Variants in PHLPP1 observed in about 807,000 individuals in gnomAD.
PHLPP1 encodes the protein PH domain and leucine rich repeat protein phosphatase 1, also known as PH domain leucine-rich repeat-containing protein phosphatase 1.
PHLPP1 carries 42 observed loss-of-function variants against 117.2 expected under a neutral mutation model. The observed-to-expected ratio is 0.36, with a 90% CI of 0.28 to 0.46. The LOEUF (loss-of-function observed/expected upper bound fraction) is 0.46. PHLPP1 is among the 20% of genes least tolerant of loss of function. PHLPP1 has a pLI of 1.00. For synonymous variants in PHLPP1, 1,042 were observed against 970.7 expected, an observed-to-expected ratio of 1.07 and a Z score of -1.37; for missense variants, 2,084 against 2,241.9, an observed-to-expected ratio of 0.93 and a Z score of 1.42.
chr18:62,894,804 A>G (rs1916511125), intron 4 of PHLPP1, among the ~76,000 whole-genome samples: 1 of 152,196 alleles, frequency 6.6e-6, no homozygotes, highest in South Asian at 2.1e-4. Context: ...GTTTTTAGAT[A>G]GAATGTTTAC....
At chr18:62,950,537 A>G (rs1910421104) in intron 12 of PHLPP1, among the ~76,000 whole-genome samples, 1 of 152,198 alleles carries the variant, frequency 6.6e-6, no homozygotes, top group Non-Finnish European at 1.5e-5. Context: ...AGACACAAAG[A>G]ACATGGGGAA....
chr18:62,737,130 C>A (rs1214465813), intron 1 of PHLPP1, among the ~76,000 whole-genome samples: 2 of 152,104 alleles, frequency 1.3e-5, no homozygotes, highest in Non-Finnish European at 2.9e-5. Context: ...CATACCAGCT[C>A]CCTGGAAGTA....
At chr18:62,793,268 T>C (rs1335836996) in intron 1 of PHLPP1, among the ~76,000 whole-genome samples, 1 of 152,252 alleles carries the variant, frequency 6.6e-6, no homozygotes, top group Non-Finnish European at 1.5e-5. Context: ...GTCACCTAGA[T>C]ATTTGCATAG....
intron 12 of PHLPP1, among the ~76,000 whole-genome samples, chr18:62,954,793 C>A (rs1910566029): frequency 6.6e-6 from 1 of 152,218 alleles, no homozygotes; most frequent in Non-Finnish European, 1.5e-5. Context: ...TTAACCTAAG[C>A]ACTGGTATCT....
intron 4 of PHLPP1, among the ~76,000 whole-genome samples, chr18:62,872,416 G>C (rs1221577991): frequency 1.3e-5 from 2 of 152,074 alleles, no homozygotes; most frequent in African/African-American, 4.8e-5. Flanking sequence ...TCAGAGGCCA[G>C]ATGCAGTGGC....
At position 62,975,573 on chromosome 18, in the gene PHLPP1, G is replaced by T. The variant is rs1267430271; in HGVS notation, c.3932G>T (p.Ser1311Ile). Residue 1311 changes from serine to isoleucine, a missense_variant, in exon 16 of 17, where the codon AGC becomes ATC. By Grantham distance (142) the Ser-to-Ile change is moderately radical (BLOSUM62 -2). Coordinates refer to ENST00000262719, the MANE Select transcript of PHLPP1 (RefSeq NM_194449.4). ...CCTCTGTCCAGATCTTACATCATGAGCTGTGAAGAAGAGCTGAAGAGGATT... is the reference window on the plus strand; with the variant it reads ...CCTCTGTCCAGATCTTACATCATGATCTGTGAAGAAGAGCTGAAGAGGATT... ...PLPLSRSYIM[S>I]CEEELKRIKQ... 1 of 1,614,036 alleles carries T rather than the reference G, an allele frequency of 6.2e-7. No homozygotes were observed. The highest frequency in any genetic ancestry group is 8.5e-7 in the Non-Finnish European group (1 of 1,179,874).
At chr18:62,921,546 C>T (rs1371101172) in intron 10 of PHLPP1, among the ~76,000 whole-genome samples, 1 of 152,198 alleles carries the variant, frequency 6.6e-6, no homozygotes, top group Non-Finnish European at 1.5e-5. Context: ...TATTAGATTA[C>T]TAACACCATG....
chr18:62,812,571 A>G (rs548264778), intron 1 of PHLPP1, among the ~76,000 whole-genome samples: 1 of 152,276 alleles, frequency 6.6e-6, no homozygotes, highest in South Asian at 2.1e-4. Context: ...CTCATGACAG[A>G]GTGTAATTGG....
chr18:62,962,364 G>A (rs1910795359), intron 13 of PHLPP1, among the ~76,000 whole-genome samples: 1 of 152,142 alleles, frequency 6.6e-6, no homozygotes, highest in Non-Finnish European at 1.5e-5. Flanking sequence ...CTGGAGTGCA[G>A]TGGCACAATC....
At chr18:62,885,896 T>C (rs1916275944) in intron 4 of PHLPP1, among the ~76,000 whole-genome samples, 1 of 152,216 alleles carries the variant, frequency 6.6e-6, no homozygotes, top group South Asian at 2.1e-4. Context: ...TCTACTGTTG[T>C]CTAGATTACA....
chr18:62,919,373 G>A (rs566638930), intron 9 of PHLPP1, among the ~76,000 whole-genome samples: 47 of 152,218 alleles, frequency 3.1e-4, no homozygotes, highest in African/African-American at 1.1e-3. Flanking sequence ...CTGCTCTTTC[G>A]GGAGACAGTC....
Position 62,941,860 on chromosome 18 carries a change from C to T in PHLPP1, c.3103C>T (p.His1035Tyr). 3 of 1,613,988 alleles carry T rather than the reference C, an allele frequency of 1.9e-6. No individual in the cohort carries two copies. The Admixed American group carries it at 5.0e-5, about 27-fold the overall frequency. Residue 1035 changes from histidine (H) to tyrosine (Y), a missense_variant, in exon 11 of 17, where the codon CAC becomes TAC. His to Tyr is a moderately conservative substitution (Grantham distance 83, BLOSUM62 2). This residue lies in a region of PHLPP1 where 1,365 missense variants were observed against 1,605.9 expected (regional missense o/e 0.85). Coordinates refer to ENST00000262719, the MANE Select transcript of PHLPP1 (RefSeq NM_194449.4). ...CAAATGTGTGCCCTTGTTAACGGGACACCCCCATTTGAAGATCCTTCACAT... is the reference window on the plus strand; with the variant it reads ...CAAATGTGTGCCCTTGTTAACGGGATACCCCCATTTGAAGATCCTTCACAT... Reference protein sequence around the residue: ...TDKCVPLLTGHPHLKILHMAY... With the variant: ...TDKCVPLLTGYPHLKILHMAY...
intron 2 of PHLPP1, among the ~76,000 whole-genome samples, chr18:62,832,915 T>C (rs1333851431): frequency 6.6e-6 from 1 of 152,196 alleles, no homozygotes; most frequent in Admixed American, 6.5e-5. Flanking sequence ...TCATACCACG[T>C]GAGCATGGTC....
At chr18:62,900,301 T>TAATAAATAAATA (rs142418645) in intron 6 of PHLPP1, among the ~76,000 whole-genome samples, 10 of 144,754 alleles carry the variant, frequency 6.9e-5, no homozygotes, top group East Asian at 6.1e-4. Context: ...TGCCTTAAAA[T>TAATAAATAAATA]AATAAATAAA....
At chr18:62,717,360 G>T in intron 1 of PHLPP1, 101 bp downstream of exon 1, 1 of 1,438,090 alleles carries the variant, frequency 7.0e-7, no homozygotes, top group South Asian at 1.4e-5. Context: ...GAGTAAGTGC[G>T]GGTCCTGATG....
chr18:62,815,747 CAAAGAAAG>C (rs1914253671), intron 1 of PHLPP1, among the ~76,000 whole-genome samples: 1 of 151,744 alleles, frequency 6.6e-6, no homozygotes, highest in Admixed American at 6.6e-5. Context: ...AGTACAGACA[CAAAGAAAG>C]TGGAATTAGG....
intron 1 of PHLPP1, among the ~76,000 whole-genome samples, chr18:62,766,104 A>ATATATAT (rs1289379653): frequency 3.4e-4 from 14 of 40,988 alleles, no homozygotes; most frequent in African/African-American, 4.8e-4. Context: ...TATATATATA[A>ATATATAT]AATATATATA....
intron 4 of PHLPP1, among the ~76,000 whole-genome samples, chr18:62,874,691 A>T (rs79500060): frequency 0.13 from 16,379 of 127,436 alleles, 1,235 homozygotes; most frequent in Non-Finnish European, 0.17. Flanking sequence ...ACACACACAC[A>T]CTCTCGCTCT....
chr18:62,963,558 C>A (rs1276601976), intron 14 of PHLPP1, 86 bp downstream of exon 14: 1 of 822,442 alleles, frequency 1.2e-6, no homozygotes, highest in East Asian at 2.7e-5. Context: ...AGTGCTGTAG[C>A]ACACACTTTT....
Sources: allele counts gnomAD v4.1 joint callset (sites outside exome capture counted in the v4.1 genomes callset), GRCh38; gene constraint gnomAD v4.1.1; regional missense constraint gnomAD v4.1.1; transcripts MANE v1.5; gene names NCBI Gene and HGNC (gene_info 2026-07-23, HGNC 2026-07-21).